ASAP1: variants seen among roughly 807,000 people sequenced by gnomAD.
ASAP1 encodes the protein ArfGAP with SH3 domain, ankyrin repeat and PH domain 1.
In ASAP1, 43 loss-of-function variants were observed where a neutral mutation model predicts 145.2. The ratio of observed to expected loss-of-function variants is 0.30; its 90% CI spans 0.23 to 0.38. The LOEUF is 0.38. Among genes scored for constraint, ASAP1 ranks in the 10% least tolerant of loss-of-function variants. ASAP1 has a pLI of 1.00. For synonymous variants in ASAP1, 546 were observed against 515.5 expected (o/e 1.06, Z -0.80); for missense variants, 1,018 against 1,355.3 (o/e 0.75, Z 3.91).
At chr8:130,199,341 T>C (rs1815715385) in intron 5 of ASAP1, among the ~76,000 whole-genome samples, 1 of 152,178 alleles carries the variant, frequency 6.6e-6, no homozygotes, top group South Asian at 2.1e-4. Flanking sequence ...CCTCTCCAAA[T>C]CAGAAGGACT....
intron 15 of ASAP1, among the ~76,000 whole-genome samples, chr8:130,132,268 T>C (rs1033244145): frequency 1.3e-5 from 2 of 152,222 alleles, no homozygotes; most frequent in African/African-American, 4.8e-5. Context: ...GCACGTAACA[T>C]CTCAATAACT....
chr8:130,110,928 A>G (rs2097545648), intron 24 of ASAP1, among the ~76,000 whole-genome samples: 2 of 152,280 alleles, frequency 1.3e-5, no homozygotes, highest in Middle Eastern at 3.4e-3. Context: ...AGAACCCTGC[A>G]TTTGGATTCA....
intron 25 of ASAP1, chr8:130,082,606 T>C (rs969786977): frequency 6.6e-5 from 10 of 151,338 alleles, no homozygotes; most frequent in African/African-American, 2.4e-4. Context: ...TGGGCTCAAA[T>C]GATCCTCCCG....
chr8:130,329,203 G>A (rs1040774452), intron 3 of ASAP1, among the ~76,000 whole-genome samples: 27 of 152,090 alleles, frequency 1.8e-4, no homozygotes, highest in African/African-American at 6.3e-4. Flanking sequence ...GTGACACAGC[G>A]GTTCACTAAG....
In ASAP1 at chr8:130,168,979, A is replaced by G. The variant is rs781053380; in HGVS notation, c.822+13T>C. Reference sequence around the variant, plus strand: ...AAGCAAGTTAAACTGCATGTATTTTATAAAGAACTTACATTATATAAATCA... The same window carrying G: ...AAGCAAGTTAAACTGCATGTATTTTGTAAAGAACTTACATTATATAAATCA... On this transcript the variant is annotated intron_variant, in intron 10 of 29. Coordinates refer to ENST00000518721, the MANE Select transcript of ASAP1 (RefSeq NM_018482.4). The G allele has an allele frequency of 2.0e-6, 3 of 1,488,974 alleles. No individual in the cohort carries two copies. The allele number at this position is 1,488,974 out of a possible 1,614,324, so 92.2% of individuals were successfully genotyped here.
rs780669563 is a variant in ASAP1, at chr8:130,115,686, T to C, written c.2114A>G (p.Tyr705Cys). The change falls in exon 23 of 30, where the codon TAT becomes TGT. Residue 705 changes from tyrosine to cysteine, a missense_variant. Physicochemically the swap from Tyr to Cys is radical, Grantham distance 194 (BLOSUM62 -2). Transcript: ENST00000518721. ...CTCCTCCTGTCGAAGATTCCACTCA[T>C]ATTCTACGTGGACGTGTGGATTGAA... The part of the protein sequence containing the change: ...GKFNPHVHVE[Y>C]EWNLRQEEID... 1.9e-6 allele frequency: 3 copies of C among 1,614,212 alleles called. No homozygotes were observed. The highest frequency in any genetic ancestry group is 2.5e-6 in the Non-Finnish European group (3 of 1,180,020).
At chr8:130,188,037 A>T in intron 6 of ASAP1, 72 bp downstream of exon 6, 1 of 1,077,428 alleles carries the variant, frequency 9.3e-7, no homozygotes, top group East Asian at 2.4e-5. Flanking sequence ...AAGTACTACT[A>T]TGATCTTGAA....
chr8:130,236,900 C>A, intron 4 of ASAP1, 22 bp downstream of exon 4: 2 of 1,482,030 alleles, frequency 1.3e-6, no homozygotes, highest in Non-Finnish European at 9.2e-7. Flanking sequence ...TTCATGTTAC[C>A]TCATTTTTAG....
intron 18 of ASAP1, among the ~76,000 whole-genome samples, chr8:130,120,505 G>C (rs1189452903): frequency 6.6e-6 from 1 of 152,200 alleles, no homozygotes; most frequent in South Asian, 2.1e-4. Context: ...CATGTTAGGG[G>C]TTCATTTGAA....
intron 2 of ASAP1, among the ~76,000 whole-genome samples, chr8:130,385,188 G>T (rs1192944686): frequency 6.6e-6 from 1 of 152,208 alleles, no homozygotes; most frequent in African/African-American, 2.4e-5. Flanking sequence ...AAGGCAGGCC[G>T]GGTGTGGTGG....
At chr8:130,398,591 G>A (rs532423119) in intron 2 of ASAP1, among the ~76,000 whole-genome samples, 21 of 152,268 alleles carry the variant, frequency 1.4e-4, no homozygotes, top group Admixed American at 8.5e-4. Context: ...AGTAGCAGTA[G>A]TAGTAGAAGT....
chr8:130,082,634 G>A (rs1407746393), intron 25 of ASAP1: 1 of 150,798 alleles, frequency 6.6e-6, no homozygotes, highest in Non-Finnish European at 1.5e-5. Flanking sequence ...CTCCCAAGTA[G>A]CTAGGACTAC....
rs750517158 is a variant in ASAP1 at position 130,188,114 on chromosome 8, T to G, written c.475A>C (p.Lys159Gln). ...SLLKGDLKGVKGDLKKPFDKA... is the reference protein window; with the variant it reads ...SLLKGDLKGVQGDLKKPFDKA... ...TCAAATTTCTGAACACTTACTCCTT[T>G]GACTCCCTTTAGGTCTCCTTTTAAC... Residue 159 changes from lysine (K) to glutamine (Q), a missense_variant, in exon 6 of 30, where the codon AAA (lysine) becomes CAA (glutamine). Coordinates refer to ENST00000518721, the MANE Select transcript of ASAP1 (RefSeq NM_018482.4). 1 of 1,611,520 alleles carries G rather than the reference T, an allele frequency of 6.2e-7. No individual in the cohort carries two copies. Among genetic ancestry groups the G allele is most frequent in the Admixed American group, 1.7e-5 (1 of 59,984 alleles).
At chr8:130,240,378 T>C (rs986121731) in intron 3 of ASAP1, among the ~76,000 whole-genome samples, 3 of 152,082 alleles carry the variant, frequency 2.0e-5, no homozygotes, top group Admixed American at 1.3e-4. Context: ...GAGCCTCATG[T>C]TTTAGAGAGA....
intron 27 of ASAP1, among the ~76,000 whole-genome samples, chr8:130,071,397 G>A (rs1447010921): frequency 6.6e-6 from 1 of 152,204 alleles, no homozygotes; most frequent in Non-Finnish European, 1.5e-5. Flanking sequence ...CAAAATTGGG[G>A]CTAACAGTGA....
In ASAP1 at chr8:130,262,455, A is replaced by AGG. The variant is rs1245150179; in HGVS notation, c.187-25462_187-25461insCC. On this transcript the variant is annotated intron_variant, in intron 3 of 29. Coordinates refer to ENST00000518721, the MANE Select transcript of ASAP1 (RefSeq NM_018482.4). ...GAGAGAGAGAGAGAGAGAGAGAGAG[A>AGG]GAACCTGTGGAATTTCAGATAGGTT... 1.6e-3 allele frequency among the ~76,000 whole-genome samples: 143 copies of AGG among 91,512 alleles called. 4 individuals carry two copies. The highest frequency in any genetic ancestry group is 2.6e-3 in the African/African-American group (76 of 29,214). The allele number at this position is 91,512 out of a possible 152,430, so 60.0% of individuals were successfully genotyped here. A position where few individuals can be genotyped will look rare whatever the true frequency, so the allele number is the denominator to read the frequency against.
intron 24 of ASAP1, among the ~76,000 whole-genome samples, chr8:130,099,680 C>CTT (rs57950334): frequency 1.2e-3 from 124 of 100,158 alleles, no homozygotes; most frequent in South Asian, 2.9e-3. Context: ...GGATTTCATT[C>CTT]TTTTTTTTTT....
At chr8:130,207,213 T>C (rs1816284210) in intron 5 of ASAP1, among the ~76,000 whole-genome samples, 2 of 152,096 alleles carry the variant, frequency 1.3e-5, no homozygotes, top group African/African-American at 2.4e-5. Context: ...CGTGAAATGG[T>C]ATATATTCCA....
chr8:130,295,508 T>G (rs1822215069), intron 3 of ASAP1, among the ~76,000 whole-genome samples: 1 of 152,194 alleles, frequency 6.6e-6, no homozygotes, highest in South Asian at 2.1e-4. Context: ...AAAACAGGGA[T>G]ACGGGATAAT....
Sources: allele counts gnomAD v4.1 joint callset (sites outside exome capture counted in the v4.1 genomes callset), GRCh38; gene constraint gnomAD v4.1.1; transcripts MANE v1.5; gene names NCBI Gene and HGNC (gene_info 2026-07-23, HGNC 2026-07-21).